The following ASIC4 variants were observed in gnomAD, a reference collection of about 807,000 sequenced individuals.
ASIC4 encodes the protein acid-sensing ion channel 4.
In ASIC4, 28 loss-of-function variants were observed where a neutral mutation model predicts 53.4. That is an observed-to-expected ratio of 0.52 (90% CI 0.39 to 0.72). The LOEUF is 0.72. Ranked by LOEUF, ASIC4 falls within the 30% of genes least tolerant of loss-of-function variation. The pLI, the probability that ASIC4 is intolerant of heterozygous loss-of-function variation, is 0.00. For missense variants in ASIC4, 649 were observed against 729.7 expected (o/e 0.89, Z 1.27); for synonymous variants, 289 against 301.4 (o/e 0.96, Z 0.43).
chr2:219,514,294 C>T (rs764632026), upstream of ASIC4: 8 of 1,480,082 alleles, frequency 5.4e-6, no homozygotes, highest in Admixed American at 2.4e-5. Context: ...GCCGGTGAAA[C>T]GCTGTTGACA....
rs1559452343 is a variant in ASIC4, at chr2:219,514,501, AGCAGAGGCAGCAGCG to A, written c.-211_-197del. On this transcript the variant is annotated 5_prime_UTR_variant, in exon 1 of 10. Coordinates refer to ENST00000358078, the MANE Select transcript of ASIC4 (RefSeq NM_018674.6). The stretch of plus-strand genomic sequence containing the variant: ...ACGATCGAGGAGAGAGACAAGCGGC[AGCAGAGGCAGCAGCG>A]GCAGAGGCAGCACCAGGGCTGCGGA... The A allele has an allele frequency of 1.3e-6, 2 of 1,549,236 alleles. No homozygotes were observed.
rs769585405 is a variant in ASIC4 at position 219,532,438 on chromosome 2, G to A, written c.979G>A (p.Val327Met). Reference sequence around the variant, plus strand: ...CCGGCTGCGCTGTGAAAAGGAGGCCGTGCTTCAGCGCTGCCACTGCCGGAT... The same window carrying A: ...CCGGCTGCGCTGTGAAAAGGAGGCCATGCTTCAGCGCTGCCACTGCCGGAT... ...ACRLRCEKEA[V>M]LQRCHCRMVH... The change falls in exon 4 of 10, where the codon GTG becomes ATG. Residue 327 changes from valine (V) to methionine (M), a missense_variant. By Grantham distance (21) the Val-to-Met change is conservative. Transcript: ENST00000358078. 1.1e-5 allele frequency: 18 copies of A among 1,613,750 alleles called. No homozygotes were observed. The highest frequency in any genetic ancestry group is 3.3e-5 in the South Asian group (3 of 91,074).
At chr2:219,523,331 C>T (rs967857180) in intron 1 of ASIC4, among the ~76,000 whole-genome samples, 2 of 151,968 alleles carry the variant, frequency 1.3e-5, no homozygotes, top group African/African-American at 4.9e-5. Flanking sequence ...TTCTCCTCTC[C>T]CGTGGAAGCG....
intron 1 of ASIC4, among the ~76,000 whole-genome samples, chr2:219,527,194 A>G (rs1007432330): frequency 5.3e-5 from 8 of 152,092 alleles, no homozygotes; most frequent in African/African-American, 1.7e-4. Flanking sequence ...TGATGGCTCC[A>G]CCCACCCCTG....
At chr2:219,514,374 C>A (rs562239101), upstream of ASIC4, 3 of 1,545,602 alleles carry the variant, frequency 1.9e-6, no homozygotes, top group African/African-American at 4.1e-5. Flanking sequence ...GGCTGCGCGG[C>A]GTGGCGGAGC....
At chr2:219,530,953 G>A (rs2125666307) in intron 1 of ASIC4, among the ~76,000 whole-genome samples, 2 of 152,294 alleles carry the variant, frequency 1.3e-5, no homozygotes. Context: ...CCGGTAGGGA[G>A]GGGCAAGGGT....
rs1341026599 is a variant in ASIC4 at position 219,538,708 on chromosome 2, C to T, written c.*662C>T. The T allele has an allele frequency of 2.6e-5, 4 of 155,356 alleles. No homozygotes were observed. The highest frequency in any genetic ancestry group is 9.6e-5 in the African/African-American group (4 of 41,456). The allele number at this position is 155,356 out of a possible 1,614,324, so 9.6% of individuals were successfully genotyped here. ...AGGGTGGGAAGGGAGCCTTCTCAGT[C>T]CTCTCTCCCTCCAGTCTGATTTTAT... On this transcript the variant is annotated 3_prime_UTR_variant, in exon 10 of 10. Transcript: ENST00000358078.
At position 219,516,947 on chromosome 2, in the gene ASIC4, G is replaced by A. The variant is rs981677885; in HGVS notation, c.582+1641G>A. The A allele has an allele frequency of 6.6e-6, 1 of 152,474 alleles. No individual in the cohort carries two copies. Among genetic ancestry groups the A allele is most frequent in the Non-Finnish European group, 1.5e-5 (1 of 68,252 alleles). The allele number at this position is 152,474 out of a possible 1,614,324, so 9.4% of individuals were successfully genotyped here. On this transcript the variant is annotated intron_variant, in intron 1 of 9. Transcript: ENST00000358078. This position sits in a 1 kb window ranked among gnomAD's most constrained non-coding sequence, Gnocchi z 4.9. ...GGTAGAGTCCCCGAGGAGGAGGTGG[G>A]ATATGGAGGGTGAGTGTGGCCTTTG...
At chr2:219,512,433 G>A (rs1694714083), upstream of ASIC4, among the ~76,000 whole-genome samples, 1 of 151,862 alleles carries the variant, frequency 6.6e-6, no homozygotes, top group Admixed American at 6.6e-5. Flanking sequence ...CAAAGCCCCA[G>A]ACTAAAGTAA....
At chr2:219,530,115 A>T (rs996907469) in intron 1 of ASIC4, among the ~76,000 whole-genome samples, 3 of 151,906 alleles carry the variant, frequency 2.0e-5, no homozygotes, top group Admixed American at 1.3e-4. Context: ...TCCCAAGGAG[A>T]GGGGAGGGGG....
At position 219,537,010 on chromosome 2, in the gene ASIC4, G is replaced by A. The variant is rs3770237; in HGVS notation, c.1230-56G>A. The A allele has an allele frequency of 0.21, 318,790 of 1,516,840 alleles. 34,785 individuals are homozygous for A. The highest frequency in any genetic ancestry group is 0.3 in the African/African-American group (21,563 of 72,918). 94.0% of individuals were successfully genotyped at this position (1,516,840 alleles called of 1,614,324 possible). ...GATCTGCTGGATCCAGGATGCCCCT[G>A]CCAGCCTTCTCAGGAAGAGAGGCCC... On this transcript the variant is annotated intron_variant, in intron 6 of 9. Coordinates refer to ENST00000358078, the MANE Select transcript of ASIC4 (RefSeq NM_018674.6). This position sits in a 1 kb window ranked among gnomAD's most constrained non-coding sequence, Gnocchi z 4.9.
intron 1 of ASIC4, among the ~76,000 whole-genome samples, chr2:219,525,536 C>T (rs749541067): frequency 5.3e-5 from 8 of 152,198 alleles, no homozygotes; most frequent in African/African-American, 1.7e-4. Context: ...TGAACCTTGC[C>T]GTCTCTAGGC....
chr2:219,511,515 T>C (rs1694701627), upstream of ASIC4, among the ~76,000 whole-genome samples: 2 of 151,934 alleles, frequency 1.3e-5, no homozygotes, highest in Non-Finnish European at 2.9e-5. The surrounding 1 kb of genome is among the most constrained non-coding windows in gnomAD (Gnocchi z 5.3). Context: ...GGAATAAATC[T>C]GAGGAATGGG....
At chr2:219,531,588 A>C (rs1695042225) in intron 1 of ASIC4, among the ~76,000 whole-genome samples, 170 bp from the exon 2 acceptor site, 1 of 152,216 alleles carries the variant, frequency 6.6e-6, no homozygotes, top group African/African-American at 2.4e-5. Flanking sequence ...GGAGGCCATC[A>C]GTAGAAAAGT....
chr2:219,535,639 G>T (rs1054194511), intron 6 of ASIC4, among the ~76,000 whole-genome samples: 2 of 151,474 alleles, frequency 1.3e-5, no homozygotes, highest in Admixed American at 6.6e-5. Context: ...GTCTGTGTGG[G>T]TCTGTGTGCG....
chr2:219,515,179 C>A lies in ASIC4; in HGVS notation c.455C>A (p.Ala152Glu). The change falls in exon 1 of 10, where the codon GCG (alanine) becomes GAG (glutamate). Residue 152 changes from alanine to glutamate, a missense_variant. Transcript: ENST00000358078. ...LPPKDRDGHRAAGLRYPEPDM... is the reference protein window; with the variant it reads ...LPPKDRDGHREAGLRYPEPDM... The stretch of plus-strand genomic sequence containing the variant: ...CCCAAAGACCGGGATGGGCACCGTG[C>A]GGCTGGCCTGCGCTACCCAGAGCCT... 5.6e-6 allele frequency: 9 copies of A among 1,614,210 alleles called. No homozygotes were observed. Among genetic ancestry groups the A allele is most frequent in the Non-Finnish European group, 7.6e-6 (9 of 1,180,032 alleles).
intron 1 of ASIC4, among the ~76,000 whole-genome samples, chr2:219,525,086 G>A (rs766559302): frequency 1.2e-4 from 18 of 152,212 alleles, no homozygotes; most frequent in South Asian, 2.1e-4. Context: ...TGGTGGGAGA[G>A]GCTGGATTTG....
At chr2:219,519,706 C>G (rs1694856071) in intron 1 of ASIC4, among the ~76,000 whole-genome samples, 1 of 152,260 alleles carries the variant, frequency 6.6e-6, no homozygotes, top group Non-Finnish European at 1.5e-5. Context: ...TGGCTATAGG[C>G]TGCCGTGTTG....
chr2:219,512,413 G>A (rs760224272), upstream of ASIC4, among the ~76,000 whole-genome samples: 21 of 152,074 alleles, frequency 1.4e-4, no homozygotes, highest in Non-Finnish European at 1.5e-4. Context: ...GCAGTTTCCC[G>A]CTTTCTTGGC....
Sources: gnomAD v4.1 joint callset for allele counts (sites outside exome capture counted in the v4.1 genomes callset) on GRCh38, gnomAD v4.1.1 for gene constraint, Gnocchi (gnomAD v3.1) non-coding constraint, MANE v1.5 for transcripts, NCBI Gene and HGNC (gene_info 2026-07-23, HGNC 2026-07-21) for gene names.